SLC24A3: variants seen among roughly 807,000 people sequenced by gnomAD.
SLC24A3 encodes the protein solute carrier family 24 member 3, also known as sodium/potassium/calcium exchanger 3.
A neutral mutation model predicts 75.8 loss-of-function variants in SLC24A3; 28 were observed. That is an observed-to-expected ratio of 0.37 (90% CI 0.27 to 0.51). The LOEUF (loss-of-function observed/expected upper bound fraction) is 0.51. Ranked by LOEUF, SLC24A3 falls within the 20% of genes least tolerant of loss-of-function variation. SLC24A3 has a pLI of 0.94. For synonymous variants in SLC24A3, 372 were observed against 334.1 expected, an observed-to-expected ratio of 1.11 and a Z score of -1.24; for missense variants, 663 against 847.8, an observed-to-expected ratio of 0.78 and a Z score of 2.71.
At chr20:19,685,387 G>A (rs2032664966) in intron 12 of SLC24A3, 26 bp downstream of exon 12, 1 of 1,607,578 alleles carries the variant, frequency 6.2e-7, no homozygotes, top group African/African-American at 1.3e-5. Context: ...TCTGGGCTGG[G>A]GTTGGGAGCT....
At chr20:19,568,866 A>G (rs912748426) in intron 3 of SLC24A3, among the ~76,000 whole-genome samples, 2 of 152,224 alleles carry the variant, frequency 1.3e-5, no homozygotes, top group African/African-American at 4.8e-5. Context: ...TATACTGTGT[A>G]TATATGAACA....
At position 19,415,880 on chromosome 20, in the gene SLC24A3, A is replaced by T. The variant is rs527483597; in HGVS notation, c.272-99608A>T. ...ATGTCTTAAATTAAAAGGAAAACTC[A>T]CCAAGACTCTCTTGTCCTTGAAAGA... On this transcript the variant is annotated intron_variant, in intron 2 of 16. Coordinates refer to ENST00000328041, the MANE Select transcript of SLC24A3 (RefSeq NM_020689.4). Among the ~76,000 whole-genome samples, 4 of 152,166 alleles carry T rather than the reference A, an allele frequency of 2.6e-5. No individual in the cohort carries two copies. In the South Asian group the frequency reaches 8.3e-4, roughly 32 times the overall value.
intron 2 of SLC24A3, among the ~76,000 whole-genome samples, chr20:19,421,875 C>T (rs1476159019): frequency 6.6e-6 from 1 of 152,174 alleles, no homozygotes; most frequent in Non-Finnish European, 1.5e-5. Flanking sequence ...ACCCCAGTGG[C>T]ACAGGCTGGT....
chr20:19,359,413 C>G (rs993589324), intron 2 of SLC24A3, among the ~76,000 whole-genome samples: 6 of 152,198 alleles, frequency 3.9e-5, no homozygotes, highest in Admixed American at 3.9e-4. Context: ...AGGAGCCATA[C>G]TGGGGGCTGC....
Position 19,519,994 on chromosome 20 carries a change from G to A in SLC24A3, c.348+4430G>A, listed in dbSNP as rs1600263466. Among the ~76,000 whole-genome samples, 4 of 152,158 alleles carry A rather than the reference G, an allele frequency of 2.6e-5. No individual in the cohort carries two copies. In the East Asian group the frequency reaches 7.7e-4, roughly 29 times the overall value. On this transcript the variant is annotated intron_variant, in intron 3 of 16. Coordinates refer to ENST00000328041, the MANE Select transcript of SLC24A3 (RefSeq NM_020689.4). ...CTGCACACCTTTTCAGCTTTCAAAA[G>A]TATTCTTCCTAAGCTTTGAGCCTTG...
chr20:19,326,130 A>C (rs1229385285), intron 2 of SLC24A3, among the ~76,000 whole-genome samples: 16 of 151,952 alleles, frequency 1.1e-4, no homozygotes, highest in Admixed American at 1.0e-3. Flanking sequence ...TCTGCCTGGC[A>C]CGTGAATTCT....
intron 2 of SLC24A3, among the ~76,000 whole-genome samples, chr20:19,293,242 G>A (rs1020166151): frequency 1.3e-5 from 2 of 152,120 alleles, no homozygotes; most frequent in Non-Finnish European, 2.9e-5. Flanking sequence ...TGAATTTAAA[G>A]GAAGGAGAGT....
intron 6 of SLC24A3, among the ~76,000 whole-genome samples, chr20:19,625,782 G>A (rs1172782314): frequency 6.6e-6 from 1 of 152,130 alleles, no homozygotes; most frequent in East Asian, 1.9e-4. Context: ...TTCAGAAACA[G>A]TTGGGCACAA....
At chr20:19,627,039 A>G (rs1347550223) in intron 6 of SLC24A3, among the ~76,000 whole-genome samples, 1 of 152,238 alleles carries the variant, frequency 6.6e-6, no homozygotes, top group African/African-American at 2.4e-5. Flanking sequence ...AGATCTGCAG[A>G]TTGATCAGGA....
chr20:19,293,614 C>A (rs1368020493), intron 2 of SLC24A3, among the ~76,000 whole-genome samples: 1 of 148,850 alleles, frequency 6.7e-6, no homozygotes, highest in Non-Finnish European at 1.5e-5. Flanking sequence ...CGAGATGGCA[C>A]CACTGCACTC....
chr20:19,219,892 C>T (rs1309509562), intron 1 of SLC24A3, among the ~76,000 whole-genome samples: 1 of 152,200 alleles, frequency 6.6e-6, no homozygotes, highest in African/African-American at 2.4e-5. Flanking sequence ...TGTCAGATGG[C>T]ACTCCAGACA....
intron 6 of SLC24A3, among the ~76,000 whole-genome samples, chr20:19,585,895 G>A (rs894218802): frequency 6.6e-6 from 1 of 152,178 alleles, no homozygotes; most frequent in Non-Finnish European, 1.5e-5. Context: ...TATGATTTTT[G>A]CTCATTGGAA....
intron 2 of SLC24A3, among the ~76,000 whole-genome samples, chr20:19,372,843 T>G (rs144354931): frequency 5.3e-5 from 8 of 152,016 alleles, no homozygotes; most frequent in Middle Eastern, 3.4e-3. Flanking sequence ...GCACATTTCA[T>G]CCTTCTCTGT....
chr20:19,670,282 G>C (rs2122726361), intron 8 of SLC24A3, among the ~76,000 whole-genome samples: 1 of 152,264 alleles, frequency 6.6e-6, no homozygotes, highest in South Asian at 2.1e-4. Flanking sequence ...AAATGCATGA[G>C]GAACAGCAGG....
intron 3 of SLC24A3, among the ~76,000 whole-genome samples, chr20:19,522,185 T>C (rs1235896434): frequency 6.6e-6 from 1 of 152,162 alleles, no homozygotes; most frequent in Non-Finnish European, 1.5e-5. Flanking sequence ...CTAGAAGGCC[T>C]AGCAATGAAT....
At chr20:19,366,116 A>G (rs1011463599) in intron 2 of SLC24A3, among the ~76,000 whole-genome samples, 2 of 150,114 alleles carry the variant, frequency 1.3e-5, no homozygotes, top group Non-Finnish European at 3.0e-5. Context: ...TCAAGCTATT[A>G]TGCTACAATT....
At chr20:19,656,186 TCTGACA>T (rs1337988577) in intron 7 of SLC24A3, among the ~76,000 whole-genome samples, 1 of 152,216 alleles carries the variant, frequency 6.6e-6, no homozygotes, top group Non-Finnish European at 1.5e-5. Context: ...ACCAGCAGTT[TCTGACA>T]CTGAAAATCT....
At chr20:19,651,814 T>A (rs892344429) in intron 6 of SLC24A3, among the ~76,000 whole-genome samples, 3 of 143,004 alleles carry the variant, frequency 2.1e-5, no homozygotes, top group African/African-American at 7.9e-5. Flanking sequence ...TGAGCCAAGA[T>A]CACGCCACTG....
chr20:19,695,835 A>T (rs2032798590), intron 13 of SLC24A3: 3 of 152,106 alleles, frequency 2.0e-5, no homozygotes, highest in Admixed American at 1.3e-4. Flanking sequence ...CGTAGCACCC[A>T]CTTATGAGTG....
Sources: gnomAD v4.1 joint callset for allele counts (sites outside exome capture counted in the v4.1 genomes callset) on GRCh38, gnomAD v4.1.1 for gene constraint, MANE v1.5 for transcripts, NCBI Gene and HGNC (gene_info 2026-07-23, HGNC 2026-07-21) for gene names.